SLC13A4: variants seen among roughly 807,000 people sequenced by gnomAD.
The protein encoded by SLC13A4 is Na(+)/sulfate cotransporter SUT-1.
A neutral mutation model predicts 72.7 loss-of-function variants in SLC13A4; 28 were observed. That is an observed-to-expected ratio of 0.39 (90% CI 0.29 to 0.53). The LOEUF (loss-of-function observed/expected upper bound fraction) is 0.53, where lower values mean the gene tolerates loss of function less well. Ranked by LOEUF, SLC13A4 falls within the 20% of genes least tolerant of loss-of-function variation. The pLI, the probability that SLC13A4 is intolerant of heterozygous loss-of-function variation, is 0.78. For synonymous variants in SLC13A4, 312 were observed against 325.5 expected (o/e 0.96, Z 0.45); for missense variants, 653 against 788.0 (o/e 0.83, Z 2.05).
In SLC13A4 at chr7:135,701,655, G is replaced by A. The variant is rs887216751; in HGVS notation, c.714+25C>T. On this transcript the variant is annotated intron_variant, in intron 7 of 15. Transcript: ENST00000682651. ...TTCACAGCGTTTCATGTAGGAAACA[G>A]AGCTAGAAGGGGCCGTTCTATTACC... 4 of 1,610,384 alleles carry A rather than the reference G, an allele frequency of 2.5e-6. No homozygotes were observed. The African/African-American group carries it at 5.3e-5, about 22-fold the overall frequency.
chr7:135,726,440 G>C (rs192959889), intron 1 of SLC13A4, among the ~76,000 whole-genome samples: 7 of 152,298 alleles, frequency 4.6e-5, no homozygotes, highest in African/African-American at 1.7e-4. Context: ...TACTTAAGGA[G>C]CAGAGTGGAA....
At chr7:135,725,011 C>T (rs1303400038) in intron 1 of SLC13A4, among the ~76,000 whole-genome samples, 2 of 152,240 alleles carry the variant, frequency 1.3e-5, no homozygotes, top group African/African-American at 4.8e-5. Context: ...TCAGGTCTCG[C>T]TCATCTTCTG....
At position 135,684,110 on chromosome 7, in the gene SLC13A4, G is replaced by A. The variant is rs1443226494; in HGVS notation, c.1746+14C>T. 3 of 1,586,094 alleles carry A rather than the reference G, an allele frequency of 1.9e-6. No individual in the cohort carries two copies. Among genetic ancestry groups the A allele is most frequent in the South Asian group, 2.3e-5 (2 of 87,240 alleles). On this transcript the variant is annotated intron_variant, in intron 15 of 15. Transcript: ENST00000682651. Reference sequence around the variant, plus strand: ...GGCAGCTGGGCCTGGCAGGGAGAGGGCACCCCAACTCACCATATCTTTGAT... The same window carrying A: ...GGCAGCTGGGCCTGGCAGGGAGAGGACACCCCAACTCACCATATCTTTGAT...
intron 8 of SLC13A4, among the ~76,000 whole-genome samples, chr7:135,698,967 G>A (rs758304067): frequency 2.0e-5 from 3 of 152,012 alleles, no homozygotes; most frequent in African/African-American, 4.8e-5. Context: ...TAGAGACACT[G>A]TCTTGCTCTA....
intron 6 of SLC13A4, chr7:135,702,077 A>C (rs1021821586): frequency 5.2e-5 from 10 of 192,210 alleles, no homozygotes; most frequent in Admixed American, 3.7e-4. Context: ...AAAGAAAATA[A>C]AAAAAAAATA....
chr7:135,692,688 A>T (rs1000887613), intron 10 of SLC13A4: 2 of 393,868 alleles, frequency 5.1e-6, no homozygotes, highest in Non-Finnish European at 9.1e-6. Flanking sequence ...AATAATTTCA[A>T]ATACAGCCTA....
intron 8 of SLC13A4, among the ~76,000 whole-genome samples, chr7:135,697,937 C>T (rs1795940477): frequency 1.3e-5 from 2 of 152,226 alleles, no homozygotes; most frequent in Non-Finnish European, 2.9e-5. Flanking sequence ...GGCGAGCTCT[C>T]CCAGCAGGGC....
chr7:135,714,534 G>A (rs531763598), intron 2 of SLC13A4, among the ~76,000 whole-genome samples: 1 of 152,290 alleles, frequency 6.6e-6, no homozygotes, highest in East Asian at 1.9e-4. Flanking sequence ...CAGCCCTGGG[G>A]CTGCGTCTGG....
intron 2 of SLC13A4, among the ~76,000 whole-genome samples, chr7:135,720,523 A>AC (rs1481210204): frequency 1.4e-5 from 2 of 144,916 alleles, no homozygotes; most frequent in African/African-American, 2.6e-5. Flanking sequence ...CCATAACCTT[A>AC]CCCCCATCTC....
At chr7:135,709,839 AC>A (rs1401073762) in intron 2 of SLC13A4, among the ~76,000 whole-genome samples, 1 of 152,150 alleles carries the variant, frequency 6.6e-6, no homozygotes, top group African/African-American at 2.4e-5. Flanking sequence ...AATTCCGCAC[AC>A]CACAGAGCAC....
In SLC13A4 at chr7:135,685,929, C is replaced by A. The variant is rs151334066; in HGVS notation, c.1447-246G>T. ...TTTCGTCATGGGACATGGAGAGCCA[C>A]CCTAATTGCCATGATCCTTCTTAGG... is the stretch of plus-strand genomic sequence containing the variant. On this transcript the variant is annotated intron_variant, in intron 13 of 15. Transcript: ENST00000682651. Among the ~76,000 whole-genome samples, 7 of 152,342 alleles carry A rather than the reference C, an allele frequency of 4.6e-5. No individual in the cohort carries two copies. The East Asian group carries it at 1.4e-3, about 29-fold the overall frequency.
intron 10 of SLC13A4, 92 bp downstream of exon 10, chr7:135,694,045 C>T: frequency 1.3e-6 from 1 of 783,876 alleles, no homozygotes; most frequent in Non-Finnish European, 2.2e-6. Flanking sequence ...CTCCCAGTGT[C>T]AGGGATTGTC....
intron 2 of SLC13A4, among the ~76,000 whole-genome samples, chr7:135,719,695 C>T (rs1398735050): frequency 1.3e-5 from 2 of 151,930 alleles, no homozygotes; most frequent in Non-Finnish European, 2.9e-5. Context: ...GGGGTTGTAC[C>T]CATCTCCAGG....
intron 2 of SLC13A4, among the ~76,000 whole-genome samples, chr7:135,711,726 G>C (rs1376953010): frequency 6.6e-6 from 1 of 152,128 alleles, no homozygotes; most frequent in Non-Finnish European, 1.5e-5. Context: ...CAGACAGCAT[G>C]AGCTGGCACA....
intron 13 of SLC13A4, among the ~76,000 whole-genome samples, chr7:135,685,940 A>G (rs1795612839): frequency 6.6e-6 from 1 of 152,246 alleles, no homozygotes; most frequent in Non-Finnish European, 1.5e-5. Flanking sequence ...CCTAATTGCC[A>G]TGATCCTTCT....
intron 2 of SLC13A4, among the ~76,000 whole-genome samples, chr7:135,713,122 T>C (rs2129495094): frequency 6.6e-6 from 1 of 152,304 alleles, no homozygotes; most frequent in East Asian, 1.9e-4. Flanking sequence ...TTTCCCAGAC[T>C]CACATCCTGT....
chr7:135,683,521 G>T, intron 15 of SLC13A4: 1 of 985,096 alleles, frequency 1.0e-6, no homozygotes, highest in Non-Finnish European at 1.2e-6. Flanking sequence ...AGCAGCAGGT[G>T]TATAGGTAGA....
intron 2 of SLC13A4, among the ~76,000 whole-genome samples, chr7:135,710,994 C>CG (rs1796287273): frequency 1.1e-3 from 1 of 894 alleles, no homozygotes; most frequent in Admixed American, 0.021. Context: ...GTGGTGGGGG[C>CG]GGGGGTGGGG....
intron 14 of SLC13A4, 47 bp downstream of exon 14, chr7:135,685,475 C>G (rs1412767143): frequency 1.3e-6 from 2 of 1,585,220 alleles, no homozygotes; most frequent in Non-Finnish European, 1.7e-6. Context: ...CCACTCCAGG[C>G]CCCTGGGACA....
Sources: allele counts gnomAD v4.1 joint callset (sites outside exome capture counted in the v4.1 genomes callset), GRCh38; gene constraint gnomAD v4.1.1; transcripts MANE v1.5; gene names NCBI Gene and HGNC (gene_info 2026-07-23, HGNC 2026-07-21).